Variants in KLHDC8A observed in about 807,000 individuals in gnomAD.
KLHDC8A encodes kelch domain containing 8A.
Under a neutral mutation model 33.1 loss-of-function variants are expected in KLHDC8A, and 21 were observed. The observed-to-expected ratio is 0.64, with a 90% CI of 0.45 to 0.91. The LOEUF is 0.91. Ranked by LOEUF, KLHDC8A falls within the 40% of genes least tolerant of loss-of-function variation. The pLI, the probability that KLHDC8A is intolerant of heterozygous loss-of-function variation, is 0.00. For synonymous variants in KLHDC8A, 173 were observed against 193.5 expected (o/e 0.89, Z 0.88); for missense variants, 435 against 483.3 (o/e 0.90, Z 0.94).
In KLHDC8A at chr1:205,337,570, C is replaced by T. The variant is rs1402377785; in HGVS notation, c.882G>A (p.Glu294=). The stretch of plus-strand genomic sequence containing the variant: ...TCCCTGGGTGGAATGCTTCCGCCGT[C>T]TCCAGGACAGTGGGTTGATTCCCTG... ...GGLGNQPTVL[E]TAEAFHPGKN... Residue 294 remains glutamate (E), a synonymous_variant, in exon 6 of 6, where the codon GAG becomes GAA. Coordinates refer to ENST00000367155, the MANE Select transcript of KLHDC8A (RefSeq NM_018203.3). 1 of 1,612,774 alleles carries T rather than the reference C, an allele frequency of 6.2e-7. No homozygotes were observed. Among genetic ancestry groups the T allele is most frequent in the Non-Finnish European group, 8.5e-7 (1 of 1,179,290 alleles).
Position 205,339,779 on chromosome 1 carries a change from C to T in KLHDC8A, c.406G>A (p.Gly136Ser). Reference sequence around the variant, plus strand: ...TGGTTGTGTGGACGTAGGTCCAGGCCCATCCCGCCTGCCGCATATACTCGG... The same window carrying T: ...TGGTTGTGTGGACGTAGGTCCAGGCTCATCCCGCCTGCCGCATATACTCGG... ...DYRVYAAGGMGLDLRPHNHLQ... is the reference protein window; with the variant it reads ...DYRVYAAGGMSLDLRPHNHLQ... Residue 136 changes from glycine to serine, a missense_variant, in exon 3 of 6, where the codon GGC becomes AGC. Gly to Ser is a moderately conservative substitution (Grantham distance 56). Transcript: ENST00000367155. This position sits in a 1 kb window ranked among gnomAD's most constrained non-coding sequence, Gnocchi z 5.1. 4.3e-6 allele frequency: 7 copies of T among 1,612,844 alleles called. No individual in the cohort carries two copies. Among genetic ancestry groups the T allele is most frequent in the Non-Finnish European group, 5.9e-6 (7 of 1,179,474 alleles).
Position 205,339,092 on chromosome 1 carries a change from G to A in KLHDC8A, c.757+102C>T. On this transcript the variant is annotated intron_variant, in intron 4 of 5. Transcript: ENST00000367155. This position sits in a 1 kb window ranked among gnomAD's most constrained non-coding sequence, Gnocchi z 5.1. ...ACTTCTGAGAAGCTTGCCCAGCTGG[G>A]TAAACGGCCCTGGAAGATGGCTGGA... is the stretch of plus-strand genomic sequence containing the variant. 1 of 955,030 alleles carries A rather than the reference G, an allele frequency of 1.0e-6. No homozygotes were observed. 59.2% of individuals were successfully genotyped at this position (955,030 alleles called of 1,614,324 possible).
chr1:205,342,812 T>C (rs572632250), intron 2 of KLHDC8A, among the ~76,000 whole-genome samples: 3 of 152,106 alleles, frequency 2.0e-5, no homozygotes, highest in East Asian at 1.9e-4. Flanking sequence ...AGTGAGGACA[T>C]GCATGCCCTG....
Position 205,343,637 on chromosome 1 carries a change from A to G in KLHDC8A, c.-33T>C. Reference sequence around the variant, plus strand: ...TTGGGGAGCGCCCGGGCGCCGGGAGAGGTGCGAGCGCGGGGGTCCACCGGC... The same window carrying G: ...TTGGGGAGCGCCCGGGCGCCGGGAGGGGTGCGAGCGCGGGGGTCCACCGGC... On this transcript the variant is annotated 5_prime_UTR_variant, in exon 2 of 6. Transcript: ENST00000367155. 2 of 1,537,546 alleles carry G rather than the reference A, an allele frequency of 1.3e-6. No individual in the cohort carries two copies. The highest frequency in any genetic ancestry group is 1.8e-6 in the Non-Finnish European group (2 of 1,141,344).
chr1:205,337,763 C>A (rs1005478917), intron 5 of KLHDC8A, among the ~76,000 whole-genome samples, 171 bp from the exon 6 acceptor site: 1 of 152,102 alleles, frequency 6.6e-6, no homozygotes, highest in Admixed American at 6.5e-5. Flanking sequence ...TGTCAAGCAG[C>A]CACTTTGTCC....
rs558150763 is a variant in KLHDC8A, at chr1:205,356,597, C to T, written c.-254G>A. The stretch of plus-strand genomic sequence containing the variant: ...GCAAAAGACAAAGAAGGGGAGGGGC[C>T]GGGAGAGGGTCGAGCGGGTGTTGGC... On this transcript the variant is annotated 5_prime_UTR_variant, in exon 1 of 6. Transcript: ENST00000367155. 6.6e-5 allele frequency: 30 copies of T among 456,204 alleles called. No homozygotes were observed. Among genetic ancestry groups the T allele is most frequent in the African/African-American group, 4.2e-4 (21 of 50,186 alleles). The allele number at this position is 456,204 out of a possible 1,614,324, so 28.3% of individuals were successfully genotyped here.
intron 2 of KLHDC8A, among the ~76,000 whole-genome samples, chr1:205,342,567 G>A (rs1662820136): frequency 6.6e-6 from 1 of 152,200 alleles, no homozygotes; most frequent in South Asian, 2.1e-4. Context: ...GTATGGTTTA[G>A]CAAAAGAGGG....
At position 205,344,275 on chromosome 1, in the gene KLHDC8A, TGAG is replaced by T. The variant is rs1200902760; in HGVS notation, c.-189-485_-189-483del. 6 of 152,266 alleles carry T rather than the reference TGAG, an allele frequency of 3.9e-5. No individual in the cohort carries two copies. The East Asian group carries it at 7.8e-4, about 20-fold the overall frequency. The allele number at this position is 152,266 out of a possible 1,614,324, so 9.4% of individuals were successfully genotyped here. On this transcript the variant is annotated intron_variant, in intron 1 of 5. Coordinates refer to ENST00000367155, the MANE Select transcript of KLHDC8A (RefSeq NM_018203.3). ...CGCGCGCCGCTGTCACACATGCAGA[TGAG>T]GAGATGAAGTGAACAGCAGGAAGGA...
At chr1:205,338,442 T>C (rs187476453) in intron 5 of KLHDC8A, 53 bp downstream of exon 5, 1 of 1,374,352 alleles carries the variant, frequency 7.3e-7, no homozygotes, top group East Asian at 2.3e-5. Context: ...GTGCCAAGGA[T>C]CCACTGAGCA....
chr1:205,353,748 C>T (rs771161271), intron 1 of KLHDC8A, among the ~76,000 whole-genome samples: 3 of 152,132 alleles, frequency 2.0e-5, no homozygotes, highest in Non-Finnish European at 4.4e-5. Context: ...TAAGTTGACA[C>T]GGCAATATCT....
At position 205,343,515 on chromosome 1, in the gene KLHDC8A, C is replaced by T; in HGVS notation, c.90G>A (p.Gly30=). The T allele has an allele frequency of 6.2e-7, 1 of 1,613,400 alleles. No individual in the cohort carries two copies. The highest frequency in any genetic ancestry group is 1.1e-5 in the South Asian group (1 of 91,072). ...RRVYCSLLET[G]GQVYAIGGCD... ...ATCCCCCGATGGCATAGACCTGGCCCCCGGTCTCCAGCAGGGAGCAGTAGA... is the reference window on the plus strand; with the variant it reads ...ATCCCCCGATGGCATAGACCTGGCCTCCGGTCTCCAGCAGGGAGCAGTAGA... The change falls in exon 2 of 6, where the codon GGG becomes GGA. Residue 30 remains glycine (G), a synonymous_variant. Coordinates refer to ENST00000367155, the MANE Select transcript of KLHDC8A (RefSeq NM_018203.3).
chr1:205,356,316 G>T (rs1392853577), intron 1 of KLHDC8A, among the ~76,000 whole-genome samples: 2 of 152,112 alleles, frequency 1.3e-5, no homozygotes, highest in Non-Finnish European at 2.9e-5. Flanking sequence ...TAATTAGCTG[G>T]GTTAAAACCA....
intron 4 of KLHDC8A, among the ~76,000 whole-genome samples, chr1:205,338,949 G>A (rs11240443): frequency 0.24 from 36,035 of 152,026 alleles, 4,516 homozygotes; most frequent in Non-Finnish European, 0.29. Context: ...AATATTGTAA[G>A]AAAAGACAAT....
chr1:205,347,106 T>G (rs1349684833), intron 1 of KLHDC8A, among the ~76,000 whole-genome samples: 1 of 152,170 alleles, frequency 6.6e-6, no homozygotes, highest in African/African-American at 2.4e-5. Flanking sequence ...CCCCCATCTC[T>G]CTTCCTCTCC....
chr1:205,337,412 A>T lies in KLHDC8A; in HGVS notation c.1040T>A (p.Val347Asp), dbSNP rs1204529993. ...GCCCAGAGACAGCTAGGAGTCAGAG[A>T]CACACAGGGCCTCCACTGCGTCACT... ...GLSDAVEALC[V>D]SDS is the part of the protein sequence containing the mutation. The change falls in exon 6 of 6, where the codon GTC becomes GAC. Residue 347 changes from valine (V) to aspartate (D), a missense_variant. Coordinates refer to ENST00000367155, the MANE Select transcript of KLHDC8A (RefSeq NM_018203.3). 1 of 1,613,040 alleles carries T rather than the reference A, an allele frequency of 6.2e-7. No individual in the cohort carries two copies. Among genetic ancestry groups the T allele is most frequent in the South Asian group, 1.1e-5 (1 of 91,034 alleles).
At chr1:205,342,809 A>G (rs1458329641) in intron 2 of KLHDC8A, among the ~76,000 whole-genome samples, 1 of 152,196 alleles carries the variant, frequency 6.6e-6, no homozygotes, top group African/African-American at 2.4e-5. Flanking sequence ...TGTAGTGAGG[A>G]CATGCATGCC....
Position 205,339,207 on chromosome 1 carries a change from G to A in KLHDC8A, c.744C>T (p.Phe248=), listed in dbSNP as rs1105385. Reference sequence around the variant, plus strand: ...TGACCAGCTCACCCTGTTCCATGTCGAACACGTCCATCGTCCGCAGGAACT... The same window carrying A: ...TGACCAGCTCACCCTGTTCCATGTCAAACACGTCCATCGTCCGCAGGAACT... ...QPKFLRTMDV[F]DMEQGGWLKM... Residue 248 remains phenylalanine (F), a synonymous_variant, in exon 4 of 6, where the codon TTC becomes TTT. Coordinates refer to ENST00000367155, the MANE Select transcript of KLHDC8A (RefSeq NM_018203.3). This position sits in a 1 kb window ranked among gnomAD's most constrained non-coding sequence, Gnocchi z 5.1. 450,453 of 1,611,188 alleles carry A rather than the reference G, an allele frequency of 0.28. 66,232 individuals carry two copies. The highest frequency in any genetic ancestry group is 0.3 in the Non-Finnish European group (356,434 of 1,177,636).
At chr1:205,341,000 A>T (rs1290730556) in intron 2 of KLHDC8A, among the ~76,000 whole-genome samples, 2 of 152,192 alleles carry the variant, frequency 1.3e-5, no homozygotes, top group African/African-American at 4.8e-5. Context: ...ACTAAATGAG[A>T]TAGGGCTAGG....
In KLHDC8A at chr1:205,339,273, G is replaced by C. The variant is rs763651528; in HGVS notation, c.678C>G (p.Ser226Arg). Residue 226 changes from serine (S) to arginine (R), a missense_variant, in exon 4 of 6, where the codon AGC becomes AGG. Ser to Arg is a moderately radical substitution (Grantham distance 110, BLOSUM62 -1). Transcript: ENST00000367155. The surrounding 1 kb of genome is among the most constrained non-coding windows in gnomAD (Gnocchi z 5.1). ...GGCGACCTTGCCGCAGGCCTCCTAGGCTGTACAAGTGGTTGTCCAGGGTCA... is the reference window on the plus strand; with the variant it reads ...GGCGACCTTGCCGCAGGCCTCCTAGCCTGTACAAGTGGTTGTCCAGGGTCA... Reference protein sequence around the residue: ...SFVTLDNHLYSLGGLRQGRLY... With the variant: ...SFVTLDNHLYRLGGLRQGRLY... 1 of 1,614,086 alleles carries C rather than the reference G, an allele frequency of 6.2e-7. No individual in the cohort carries two copies. Among genetic ancestry groups the C allele is most frequent in the Admixed American group, 1.7e-5 (1 of 60,008 alleles).
Sources: allele counts gnomAD v4.1 joint callset (sites outside exome capture counted in the v4.1 genomes callset), GRCh38; gene constraint gnomAD v4.1.1; non-coding constraint Gnocchi (gnomAD v3.1); transcripts MANE v1.5; gene names NCBI Gene and HGNC (gene_info 2026-07-23, HGNC 2026-07-21).